Variants in C1orf167 observed in about 807,000 individuals in gnomAD.
C1orf167 encodes uncharacterized protein C1orf167.
C1orf167 carries 153 observed loss-of-function variants against 176.5 expected under a neutral mutation model. That is an observed-to-expected ratio of 0.87 (90% CI 0.76 to 0.99). The LOEUF is 0.99. Among genes scored for constraint, C1orf167 ranks in the 50% least tolerant of loss-of-function variants. The pLI is 0.00. For synonymous variants in C1orf167, 594 were observed against 752.7 expected, an observed-to-expected ratio of 0.79 and a Z score of 3.45; for missense variants, 1,490 against 1,817.7, an observed-to-expected ratio of 0.82 and a Z score of 3.28.
At chr1:11,789,048 C>A (rs1399438487) in intron 20 of C1orf167, 3 of 417,382 alleles carry the variant, frequency 7.2e-6, no homozygotes, top group Non-Finnish European at 1.3e-5. Context: ...TCCTGAGCGC[C>A]CCCTCCCTCA....
chr1:11,769,952 G>A (rs901733763), intron 6 of C1orf167, among the ~76,000 whole-genome samples: 1 of 152,062 alleles, frequency 6.6e-6, no homozygotes, highest in Non-Finnish European at 1.5e-5. Flanking sequence ...CAGCCACCAC[G>A]CCTGGCCAGG....
intron 6 of C1orf167, among the ~76,000 whole-genome samples, 190 bp downstream of exon 6, chr1:11,769,317 G>T (rs1642941766): frequency 6.6e-6 from 1 of 152,208 alleles, no homozygotes; most frequent in Non-Finnish European, 1.5e-5. Flanking sequence ...AGGCACGGTG[G>T]CTCACACCTA....
intron 1 of C1orf167, among the ~76,000 whole-genome samples, chr1:11,763,678 G>T (rs1254732626): frequency 1.3e-5 from 2 of 152,180 alleles, no homozygotes; most frequent in Non-Finnish European, 1.5e-5. Flanking sequence ...GTTGAGGCAG[G>T]GCATGATTTG....
chr1:11,788,224 C>T lies in C1orf167; in HGVS notation c.3924C>T (p.His1308=), dbSNP rs770536637. 2.0e-4 allele frequency: 266 copies of T among 1,303,684 alleles called. No homozygotes were observed. Among genetic ancestry groups the T allele is most frequent in the Non-Finnish European group, 2.6e-4 (255 of 988,542 alleles). 80.8% of individuals were successfully genotyped at this position (1,303,684 alleles called of 1,614,324 possible). Residue 1308 remains histidine (H), a synonymous_variant, in exon 19 of 21, where the codon CAC becomes CAT. Transcript: ENST00000688073. Reference sequence around the variant, plus strand: ...CCCTCCTTCTGGCCCTGAAGGGTCACGATGCTCTTGGCCATCAGGAGGAAG... The same window carrying T: ...CCCTCCTTCTGGCCCTGAAGGGTCATGATGCTCTTGGCCATCAGGAGGAAG... The part of the protein sequence containing the change: ...GSALLLALKG[H]DALGHQEEVP...
chr1:11,787,742 G>C (rs1643925854), intron 17 of C1orf167, 131 bp from the exon 18 acceptor site: 2 of 1,146,380 alleles, frequency 1.7e-6, no homozygotes. Flanking sequence ...GGGGAGATGG[G>C]GGCAGGGCAC....
intron 3 of C1orf167, 66 bp downstream of exon 3, chr1:11,767,151 T>G: frequency 7.8e-7 from 1 of 1,283,840 alleles, no homozygotes; most frequent in South Asian, 1.2e-5. Context: ...GCAGGGAGGC[T>G]TGGCAGGGGG....
At position 11,785,287 on chromosome 1, in the gene C1orf167, A is replaced by G. The variant is rs1309697220; in HGVS notation, c.3565A>G (p.Lys1189Glu). 7 of 1,285,800 alleles carry G rather than the reference A, an allele frequency of 5.4e-6. No individual in the cohort carries two copies. The highest frequency in any genetic ancestry group is 4.6e-5 in the Admixed American group (2 of 43,370). The allele number at this position is 1,285,800 out of a possible 1,614,324, so 79.6% of individuals were successfully genotyped here. A position where few individuals can be genotyped will look rare whatever the true frequency, so the allele number is the denominator to read the frequency against. ...RVRLGLPGAG[K>E]TRSCWTQATE... The stretch of plus-strand genomic sequence containing the variant: ...GCGGCTGGGACTGCCAGGGGCCGGC[A>G]AGGTACGCCCCAAGCCCCAGACTGA... Residue 1189 changes from lysine (K) to glutamate (E), a missense_variant and splice_region_variant, in exon 16 of 21, where the codon AAG becomes GAG. By Grantham distance (56) the Lys-to-Glu change is moderately conservative (BLOSUM62 1). Coordinates refer to ENST00000688073, the MANE Select transcript of C1orf167 (RefSeq NM_001010881.2).
intron 16 of C1orf167, chr1:11,786,573 C>T (rs1377669663): frequency 6.6e-6 from 1 of 151,196 alleles, no homozygotes; most frequent in African/African-American, 2.4e-5. Context: ...GTAGCTGAGA[C>T]TACAGGCGTG....
chr1:11,766,638 C>A lies in C1orf167; in HGVS notation c.852C>A (p.Pro284=). The part of the protein sequence containing the change: ...GGQPFSAHPQ[P]SQPVLASSDG... Reference sequence around the variant, plus strand: ...AGCCATTCTCCGCCCACCCCCAGCCCAGCCAGCCTGTCCTTGCTTCCTCGG... The same window carrying A: ...AGCCATTCTCCGCCCACCCCCAGCCAAGCCAGCCTGTCCTTGCTTCCTCGG... The change falls in exon 3 of 21, where the codon CCC becomes CCA. Residue 284 remains proline (P), a synonymous_variant. Coordinates refer to ENST00000688073, the MANE Select transcript of C1orf167 (RefSeq NM_001010881.2). This position sits in a 1 kb window ranked among gnomAD's most constrained non-coding sequence, Gnocchi z 4.5. The A allele has an allele frequency of 7.8e-7, 1 of 1,288,438 alleles. No homozygotes were observed. Among genetic ancestry groups the A allele is most frequent in the Non-Finnish European group, 1.0e-6 (1 of 988,026 alleles). 79.8% of individuals were successfully genotyped at this position (1,288,438 alleles called of 1,614,324 possible).
intron 20 of C1orf167, 107 bp from the exon 21 acceptor site, chr1:11,789,163 G>A: frequency 9.0e-7 from 1 of 1,107,982 alleles, no homozygotes; most frequent in Non-Finnish European, 1.2e-6. Flanking sequence ...CAGAGGGAGG[G>A]GCCCTGGGGA....
intron 13 of C1orf167, among the ~76,000 whole-genome samples, chr1:11,780,805 G>A (rs1889293): frequency 0.68 from 102,607 of 151,544 alleles, 35,536 homozygotes; most frequent in East Asian, 0.89. Flanking sequence ...TGGCGAGAGA[G>A]GTTGAGGCGT....
At chr1:11,771,662 G>C (rs1054049720) in intron 7 of C1orf167, 26 bp downstream of exon 7, 24 of 1,282,654 alleles carry the variant, frequency 1.9e-5, no homozygotes, top group Non-Finnish European at 2.4e-5. Flanking sequence ...CTGGGAAAGC[G>C]GGGAGATGGA....
At chr1:11,776,799 C>T (rs879617949) in intron 10 of C1orf167, among the ~76,000 whole-genome samples, 161 bp downstream of exon 10, 8 of 152,210 alleles carry the variant, frequency 5.3e-5, no homozygotes, top group East Asian at 1.9e-4. Context: ...TGGCACACTG[C>T]GGTGCCCAGC....
chr1:11,772,904 A>ATTATTATTATTATTATTATTATTATTATT (rs56228938), intron 8 of C1orf167, among the ~76,000 whole-genome samples: 24,656 of 146,176 alleles, frequency 0.17, 2,369 homozygotes, highest in East Asian at 0.35. Flanking sequence ...CATTATTATT[A>ATTATTATTATTATTATTATTATTATTATT]TTATTATTAT....
Position 11,766,069 on chromosome 1 carries a change from A to G in C1orf167, c.283A>G (p.Asn95Asp), listed in dbSNP as rs570877517. 2 of 1,289,770 alleles carry G rather than the reference A, an allele frequency of 1.6e-6. No homozygotes were observed. The highest frequency in any genetic ancestry group is 2.0e-6 in the Non-Finnish European group (2 of 988,884). 79.9% of individuals were successfully genotyped at this position (1,289,770 alleles called of 1,614,324 possible). ...ALKDTTGQLVNSSFWQQSNLQ... is the reference protein window; with the variant it reads ...ALKDTTGQLVDSSFWQQSNLQ... ...GAAGGACACGACTGGCCAACTGGTC[A>G]ATTCAAGCTTCTGGCAACAGAGCAA... The change falls in exon 3 of 21, where the codon AAT becomes GAT. Residue 95 changes from asparagine to aspartate, a missense_variant. Asn to Asp is a conservative substitution (Grantham distance 23). Coordinates refer to ENST00000688073, the MANE Select transcript of C1orf167 (RefSeq NM_001010881.2). The surrounding 1 kb of genome is among the most constrained non-coding windows in gnomAD (Gnocchi z 4.5).
At chr1:11,772,289 G>A in intron 8 of C1orf167, 30 bp downstream of exon 8, 1 of 1,290,646 alleles carries the variant, frequency 7.7e-7, no homozygotes, top group Non-Finnish European at 1.0e-6. Flanking sequence ...TTTTTGAGAT[G>A]AGGTCTCACT....
At chr1:11,762,469 G>A (rs1642556713) in intron 1 of C1orf167, among the ~76,000 whole-genome samples, 164 bp downstream of exon 1, 1 of 152,186 alleles carries the variant, frequency 6.6e-6, no homozygotes, top group Non-Finnish European at 1.5e-5. Context: ...AAGAGCTCCG[G>A]CGTGAGGGGC....
chr1:11,780,515 G>C (rs1643545864), intron 13 of C1orf167, among the ~76,000 whole-genome samples: 1 of 152,174 alleles, frequency 6.6e-6, no homozygotes, highest in Non-Finnish European at 1.5e-5. Flanking sequence ...CTGTAGTCTT[G>C]AGTTTGAATC....
intron 14 of C1orf167, among the ~76,000 whole-genome samples, chr1:11,783,238 GTTATT>G (rs1643676395): frequency 6.6e-6 from 1 of 150,978 alleles, no homozygotes; most frequent in Non-Finnish European, 1.5e-5. Context: ...GGTGTAGATG[GTTATT>G]TTGTTTGTTT....
Sources: gnomAD v4.1 joint callset for allele counts (sites outside exome capture counted in the v4.1 genomes callset) on GRCh38, gnomAD v4.1.1 for gene constraint, Gnocchi (gnomAD v3.1) non-coding constraint, MANE v1.5 for transcripts, NCBI Gene and HGNC (gene_info 2026-07-23, HGNC 2026-07-21) for gene names.